Variants in HMGCLL1 observed in about 807,000 individuals in gnomAD.
HMGCLL1 encodes the protein 3-hydroxymethyl-3-methylglutaryl-CoA lyase, cytoplasmic.
Under a neutral mutation model 39.1 loss-of-function variants are expected in HMGCLL1, and 36 were observed. The ratio of observed to expected loss-of-function variants is 0.92; its 90% confidence interval spans 0.71 to 1.22. The LOEUF (loss-of-function observed/expected upper bound fraction) is 1.22, where lower values mean the gene tolerates loss of function less well. HMGCLL1 is among the 50% of genes most tolerant of loss of function. The pLI, the probability that HMGCLL1 is intolerant of heterozygous loss-of-function variation, is 0.00. For synonymous variants in HMGCLL1, 149 were observed against 144.0 expected (o/e 1.03, Z -0.25); for missense variants, 451 against 416.5 (o/e 1.08, Z -0.72).
chr6:55,574,934 A>G (rs1286603554), intron 1 of HMGCLL1, among the ~76,000 whole-genome samples: 1 of 151,958 alleles, frequency 6.6e-6, no homozygotes, highest in Non-Finnish European at 1.5e-5. Flanking sequence ...ATAATCTACT[A>G]CTTTATTTTA....
At chr6:55,455,847 C>T (rs1340705317) in intron 7 of HMGCLL1, among the ~76,000 whole-genome samples, 2 of 152,168 alleles carry the variant, frequency 1.3e-5, no homozygotes, top group African/African-American at 2.4e-5. Context: ...GCTTTGATGG[C>T]TCTAGGATTT....
chr6:55,637,714 ATGTGTGTGTGTG>A, the HMGCLL1 span, among the ~76,000 whole-genome samples: 2 of 148,592 alleles, frequency 1.3e-5, no homozygotes, highest in Non-Finnish European at 3.0e-5. Flanking sequence ...ATAATTTGAT[ATGTGTGTGTGTG>A]TGTGTGTGTG....
At chr6:55,566,328 C>T (rs1432057792) in intron 1 of HMGCLL1, among the ~76,000 whole-genome samples, 7 of 152,132 alleles carry the variant, frequency 4.6e-5, no homozygotes, top group Admixed American at 3.3e-4. Context: ...CCTATTGCTT[C>T]TTAATAAAGT....
intron 7 of HMGCLL1, among the ~76,000 whole-genome samples, chr6:55,463,329 G>A (rs997289522): frequency 9.2e-5 from 14 of 152,068 alleles, no homozygotes; most frequent in Non-Finnish European, 1.8e-4. Flanking sequence ...ACTGTGCCCG[G>A]CCCCAGTCTT....
chr6:55,644,575 T>A, the HMGCLL1 span, among the ~76,000 whole-genome samples: 1 of 152,070 alleles, frequency 6.6e-6, no homozygotes, highest in African/African-American at 2.4e-5. Context: ...GATTTTTGTA[T>A]AAGGCAAGAG....
At chr6:55,440,480 T>C (rs925462644) in intron 7 of HMGCLL1, among the ~76,000 whole-genome samples, 1 of 152,112 alleles carries the variant, frequency 6.6e-6, no homozygotes, top group Admixed American at 6.6e-5. Context: ...GGAGAAGTTA[T>C]GGAAGACATG....
the HMGCLL1 span, among the ~76,000 whole-genome samples, chr6:55,615,708 T>G: frequency 2.6e-5 from 4 of 152,182 alleles, no homozygotes; most frequent in African/African-American, 9.6e-5. Flanking sequence ...ACTTCATTGT[T>G]AACTACAGCT....
At chr6:55,477,270 TA>T (rs1765413955) in intron 7 of HMGCLL1, among the ~76,000 whole-genome samples, 2 of 14,900 alleles carry the variant, frequency 1.3e-4, no homozygotes, top group Non-Finnish European at 1.8e-4. Context: ...TATTATATAA[TA>T]TATATTATAT....
At chr6:55,585,091 C>G in the HMGCLL1 span, among the ~76,000 whole-genome samples, 1 of 151,988 alleles carries the variant, frequency 6.6e-6, no homozygotes, top group East Asian at 1.9e-4. Context: ...GCATTTGGTT[C>G]TAAATTCAAA....
the HMGCLL1 span, among the ~76,000 whole-genome samples, chr6:55,669,784 G>A: frequency 6.6e-6 from 1 of 151,800 alleles, no homozygotes; most frequent in Non-Finnish European, 1.5e-5. Context: ...CTTGAAGGTA[G>A]ATCAATAGAA....
the HMGCLL1 span, among the ~76,000 whole-genome samples, chr6:55,603,512 G>A: frequency 6.6e-6 from 1 of 151,926 alleles, no homozygotes; most frequent in Non-Finnish European, 1.5e-5. Context: ...ACTCAACACA[G>A]GAATGTACAT....
At chr6:55,615,917 A>G in the HMGCLL1 span, among the ~76,000 whole-genome samples, 5 of 152,154 alleles carry the variant, frequency 3.3e-5, no homozygotes, top group Non-Finnish European at 7.4e-5. Context: ...GAAAGTTGGC[A>G]TAATGACTGA....
At chr6:55,654,141 G>A in the HMGCLL1 span, among the ~76,000 whole-genome samples, 1 of 151,814 alleles carries the variant, frequency 6.6e-6, no homozygotes, top group Admixed American at 6.6e-5. Context: ...ACCTTTCAGC[G>A]AAAGCCTACC....
chr6:55,460,945 T>G (rs914430676), intron 7 of HMGCLL1, among the ~76,000 whole-genome samples: 1 of 151,998 alleles, frequency 6.6e-6, no homozygotes, highest in Non-Finnish European at 1.5e-5. Context: ...GTAAGAAATA[T>G]CTAGGAGACA....
At chr6:55,579,271 C>A (rs879861156), upstream of HMGCLL1, 33 of 588,544 alleles carry the variant, frequency 5.6e-5, no homozygotes, top group Non-Finnish European at 9.7e-5. Context: ...CACGGGGCAC[C>A]TGCGGGAATC....
the HMGCLL1 span, among the ~76,000 whole-genome samples, chr6:55,644,023 C>T: frequency 9.2e-5 from 14 of 152,142 alleles, no homozygotes; most frequent in East Asian, 2.7e-3. Context: ...TTCCTCCCAC[C>T]AGTTTACTCT....
intron 7 of HMGCLL1, among the ~76,000 whole-genome samples, chr6:55,453,686 T>A (rs1764198886): frequency 6.6e-6 from 1 of 152,214 alleles, no homozygotes; most frequent in Admixed American, 6.5e-5. Flanking sequence ...GGCTGAGAAA[T>A]ATGTAAGTAG....
rs1301847905 is a variant in HMGCLL1 at position 55,439,433 on chromosome 6, C to G, written c.921+1G>C. 1.2e-6 allele frequency: 2 copies of G among 1,607,890 alleles called. No homozygotes were observed. The highest frequency in any genetic ancestry group is 1.1e-5 in the South Asian group (1 of 90,286). ...TATTAAAATACGTTAAAGTAACTTA[C>G]TGTATTGAGCCCCAGGCCATTAAGC... On this transcript the variant is annotated splice_donor_variant, in intron 8 of 8. Coordinates refer to ENST00000274901, the MANE Select transcript of HMGCLL1 (RefSeq NM_001042406.2). LOFTEE classifies it high-confidence loss of function.
At chr6:55,666,408 G>C in the HMGCLL1 span, among the ~76,000 whole-genome samples, 2 of 151,560 alleles carry the variant, frequency 1.3e-5, no homozygotes, top group East Asian at 3.9e-4. Context: ...AAGTGCCCGA[G>C]TTAAAGTCAG....
Sources: allele counts gnomAD v4.1 joint callset (sites outside exome capture counted in the v4.1 genomes callset), GRCh38; gene constraint gnomAD v4.1.1; transcripts MANE v1.5; gene names NCBI Gene and HGNC (gene_info 2026-07-23, HGNC 2026-07-21).